The following CLIP1 variants were observed in gnomAD, a reference collection of about 807,000 sequenced individuals.
CLIP1 encodes CAP-Gly domain-containing linker protein 1.
In CLIP1, 66 loss-of-function variants were observed where a neutral mutation model predicts 161.6. The observed-to-expected ratio is 0.41, with a 90% CI of 0.33 to 0.50. The LOEUF is 0.50. CLIP1 is among the 20% of genes least tolerant of loss of function. The pLI, the probability that CLIP1 is intolerant of heterozygous loss-of-function variation, is 0.27. For missense variants in CLIP1, 1,376 were observed against 1,702.0 expected (o/e 0.81, Z 3.37); for synonymous variants, 598 against 626.2 (o/e 0.96, Z 0.67).
intron 3 of CLIP1, among the ~76,000 whole-genome samples, chr12:122,370,606 G>A (rs916953629): frequency 1.2e-4 from 18 of 152,136 alleles, no homozygotes; most frequent in African/African-American, 3.9e-4. Flanking sequence ...TATGACAAGA[G>A]CAGATGACAT....
intron 20 of CLIP1, among the ~76,000 whole-genome samples, chr12:122,293,920 T>C (rs1201574454): frequency 6.6e-6 from 1 of 151,196 alleles, no homozygotes; most frequent in Non-Finnish European, 1.5e-5. Context: ...TTCTCCTGCC[T>C]CAGCCTCCCG....
At chr12:122,400,083 G>A (rs1245909396) in intron 1 of CLIP1, 1 of 152,210 alleles carries the variant, frequency 6.6e-6, no homozygotes, top group Non-Finnish European at 1.5e-5. Context: ...CAACACAGGA[G>A]ATGCAGTGTA....
At chr12:122,420,591 G>A in intron 1 of CLIP1, among the ~76,000 whole-genome samples, 1 of 152,070 alleles carries the variant, frequency 6.6e-6, no homozygotes, top group East Asian at 1.9e-4. Context: ...TTAAAAATCG[G>A]GCACAAGCCT....
chr12:122,278,827 A>G lies in CLIP1; in HGVS notation c.3881T>C (p.Leu1294Pro). 1 of 1,607,968 alleles carries G rather than the reference A, an allele frequency of 6.2e-7. No homozygotes were observed. The highest frequency in any genetic ancestry group is 1.1e-5 in the South Asian group (1 of 90,484). The change falls in exon 23 of 26, where the codon CTC (leucine) becomes CCC (proline). Residue 1294 changes from leucine (L) to proline (P), a missense_variant. By Grantham distance (98) the Leu-to-Pro change is moderately conservative. Transcript: ENST00000620786. Reference sequence around the variant, plus strand: ...GCTGAGCTGCCTCTTGTTTTCTTTGAGTTGAAGCTCCAAGTTCTTTACCTT... The same window carrying G: ...GCTGAGCTGCCTCTTGTTTTCTTTGGGTTGAAGCTCCAAGTTCTTTACCTT... ...ELKVKNLELQ[L>P]KENKRQLSSS...
chr12:122,278,001 T>A, intron 24 of CLIP1, 153 bp downstream of exon 24: 1 of 709,442 alleles, frequency 1.4e-6, no homozygotes, highest in Non-Finnish European at 2.4e-6. Context: ...GTATATATTT[T>A]TAATTCTGTT....
At chr12:122,321,500 C>T (rs1951501024) in intron 17 of CLIP1, among the ~76,000 whole-genome samples, 4 of 151,382 alleles carry the variant, frequency 2.6e-5, no homozygotes, top group Admixed American at 2.6e-4. Flanking sequence ...CCTGCCTCAG[C>T]CCCCGTGAGC....
In CLIP1 at chr12:122,395,695, T is replaced by C. The variant is rs955386676; in HGVS notation, c.-106-15137A>G. ...GCAGAGACAAGCAAGTCCACCTAAA[T>C]AGCTGAACACCAGTCATGTACGCAT... On this transcript the variant is annotated intron_variant, in intron 1 of 25. Transcript: ENST00000620786. The C allele has an allele frequency of 2.0e-5, 3 of 152,300 alleles. 1 individual carries two copies. The highest frequency in any genetic ancestry group is 6.8e-3 in the Middle Eastern group (2 of 294). The allele number at this position is 152,300 out of a possible 1,614,324, so 9.4% of individuals were successfully genotyped here.
In CLIP1 at chr12:122,355,021, T is replaced by C; in HGVS notation, c.1203+94A>G. The C allele has an allele frequency of 1.8e-6, 2 of 1,110,822 alleles. No homozygotes were observed. Among genetic ancestry groups the C allele is most frequent in the Non-Finnish European group, 2.7e-6 (2 of 753,122 alleles). 68.8% of individuals were successfully genotyped at this position (1,110,822 alleles called of 1,614,324 possible). ...TACACCCATTTCTTGTGCTCTCAAG[T>C]CTAGCTCCTCGGTGCCAAGCACCGG... On this transcript the variant is annotated intron_variant, in intron 6 of 25. Transcript: ENST00000620786. The surrounding 1 kb of genome is among the most constrained non-coding windows in gnomAD (Gnocchi z 4.1).
chr12:122,296,761 A>G (rs1211783731), intron 20 of CLIP1, among the ~76,000 whole-genome samples: 1 of 151,444 alleles, frequency 6.6e-6, no homozygotes, highest in Non-Finnish European at 1.5e-5. Flanking sequence ...CTACTCAGGA[A>G]GCTGAGGCAG....
Position 122,283,411 on chromosome 12 carries a change from G to T in CLIP1, c.3648-4266C>A, listed in dbSNP as rs1955723557. On this transcript the variant is annotated intron_variant, in intron 21 of 25. Coordinates refer to ENST00000620786, the MANE Select transcript of CLIP1 (RefSeq NM_001247997.2). ...AAACAAAAAGAAAAAAAACCCCACA[G>T]CAAATAAAGAAGGATTCCACTAATT... 2.7e-5 allele frequency among the ~76,000 whole-genome samples: 4 copies of T among 150,880 alleles called. No homozygotes were observed. The South Asian group carries it at 8.3e-4, about 31-fold the overall frequency.
intron 1 of CLIP1, among the ~76,000 whole-genome samples, chr12:122,401,154 G>T (rs921154066): frequency 6.6e-6 from 1 of 151,968 alleles, no homozygotes; most frequent in African/African-American, 2.4e-5. Flanking sequence ...CAGGTGATCC[G>T]CCCGTCTTGG....
chr12:122,354,455 T>C lies in CLIP1; in HGVS notation c.1305A>G (p.Lys435=). Reference sequence around the variant, plus strand: ...ACCAGGAAACAGTCTGGGGTCACCTTTTCTCCTCTTCAAGCTGGTTGAGAA... The same window carrying C: ...ACCAGGAAACAGTCTGGGGTCACCTCTTCTCCTCTTCAAGCTGGTTGAGAA... ...VELLNQLEEE[K]RKVEDLQFRV... Residue 435 remains lysine, a splice_region_variant and synonymous_variant, in exon 7 of 26, where the codon AAA becomes AAG. Coordinates refer to ENST00000620786, the MANE Select transcript of CLIP1 (RefSeq NM_001247997.2). 1.9e-6 allele frequency: 3 copies of C among 1,612,886 alleles called. No individual in the cohort carries two copies. In the Admixed American group the frequency reaches 5.0e-5, roughly 27 times the overall value.
At chr12:122,379,112 T>C (rs61021925) in intron 2 of CLIP1, among the ~76,000 whole-genome samples, 61,513 of 143,992 alleles carry the variant, frequency 0.43, 13,081 homozygotes, top group East Asian at 0.62. Context: ...GCAACAAGAG[T>C]GAAACTCCGT....
chr12:122,390,708 T>C (rs551651820), intron 1 of CLIP1, among the ~76,000 whole-genome samples: 21 of 152,000 alleles, frequency 1.4e-4, no homozygotes, highest in South Asian at 6.2e-4. Flanking sequence ...GTTGAAACCA[T>C]TGACTGACAC....
chr12:122,348,453 G>A (rs1266669276), intron 9 of CLIP1, among the ~76,000 whole-genome samples: 3 of 152,180 alleles, frequency 2.0e-5, no homozygotes, highest in Non-Finnish European at 4.4e-5. Context: ...ATGAGTTTGA[G>A]CTCTCTCAAA....
chr12:122,288,621 C>T (rs138501093), intron 20 of CLIP1, 80 bp from the exon 21 acceptor site: 1 of 1,228,350 alleles, frequency 8.1e-7, no homozygotes. Flanking sequence ...GTACATCCCC[C>T]AGGCTCCAGG....
chr12:122,349,903 G>T (rs202166066), intron 9 of CLIP1, among the ~76,000 whole-genome samples: 2 of 145,602 alleles, frequency 1.4e-5, no homozygotes. Flanking sequence ...TGTTTTTTTT[G>T]TTTTTTTTGT....
intron 17 of CLIP1, among the ~76,000 whole-genome samples, chr12:122,325,688 CTG>C (rs770988317): frequency 1.3e-5 from 2 of 152,092 alleles, no homozygotes; most frequent in Non-Finnish European, 2.9e-5. Flanking sequence ...CAGTCTCACT[CTG>C]TCACCCAGGC....
intron 19 of CLIP1, among the ~76,000 whole-genome samples, chr12:122,312,408 C>T: frequency 6.6e-6 from 1 of 152,122 alleles, no homozygotes; most frequent in Non-Finnish European, 1.5e-5. Context: ...AGGAAAAGAA[C>T]AGTTACAAGT....
Sources: allele counts gnomAD v4.1 joint callset (sites outside exome capture counted in the v4.1 genomes callset), GRCh38; gene constraint gnomAD v4.1.1; non-coding constraint Gnocchi (gnomAD v3.1); transcripts MANE v1.5; gene names NCBI Gene and HGNC (gene_info 2026-07-23, HGNC 2026-07-21).